PTPN21: variants seen among roughly 807,000 people sequenced by gnomAD.
PTPN21 encodes protein tyrosine phosphatase non-receptor type 21.
PTPN21 carries 77 observed loss-of-function variants against 131.8 expected under a neutral mutation model. The ratio of observed to expected loss-of-function variants is 0.58; its 90% confidence interval spans 0.49 to 0.71. PTPN21 has a LOEUF of 0.71. Among genes scored for constraint, PTPN21 ranks in the 30% least tolerant of loss-of-function variants. The pLI is 0.00. For missense variants in PTPN21, 1,552 were observed against 1,527.1 expected, an observed-to-expected ratio of 1.02 and a Z score of -0.27; for synonymous variants, 715 against 621.3, an observed-to-expected ratio of 1.15 and a Z score of -2.24.
At chr14:88,544,903 T>C (rs972332885) in intron 2 of PTPN21, among the ~76,000 whole-genome samples, 12 of 152,040 alleles carry the variant, frequency 7.9e-5, no homozygotes, top group Non-Finnish European at 1.3e-4. Flanking sequence ...TCTCGGCTCA[T>C]TGCAACCTCT....
At chr14:88,504,604 A>C (rs1254288504) in intron 5 of PTPN21, 109 bp from the exon 6 acceptor site, 1 of 793,910 alleles carries the variant, frequency 1.3e-6, no homozygotes, top group African/African-American at 1.7e-5. Flanking sequence ...CAAAATTATG[A>C]CTATTGTTAC....
At chr14:88,539,944 A>C (rs578062348) in intron 2 of PTPN21, among the ~76,000 whole-genome samples, 1 of 152,354 alleles carries the variant, frequency 6.6e-6, no homozygotes, top group Non-Finnish European at 1.5e-5. Flanking sequence ...CAGGCGAATC[A>C]AGTATGCAAG....
At chr14:88,470,159 T>A in intron 15 of PTPN21, 109 bp from the exon 16 acceptor site, 1 of 1,010,782 alleles carries the variant, frequency 9.9e-7, no homozygotes. Flanking sequence ...AAGTAAAAAG[T>A]AAAAAAGTAG....
intron 10 of PTPN21, among the ~76,000 whole-genome samples, chr14:88,488,705 C>T (rs1422626771): frequency 1.3e-5 from 2 of 152,128 alleles, no homozygotes; most frequent in Middle Eastern, 3.4e-3. Context: ...GTAGTGCCAG[C>T]GACTTGGAAG....
At position 88,473,657 on chromosome 14, in the gene PTPN21, A is replaced by G; in HGVS notation, c.2649+8T>C. The G allele has an allele frequency of 6.2e-7, 1 of 1,611,978 alleles. No homozygotes were observed. Among genetic ancestry groups the G allele is most frequent in the Non-Finnish European group, 8.5e-7 (1 of 1,179,606 alleles). On this transcript the variant is annotated splice_region_variant and intron_variant, in intron 14 of 18. Coordinates refer to ENST00000556564, the MANE Select transcript of PTPN21 (RefSeq NM_007039.4). ...GAAGGCACAAAGCCCTGTGTGTCCC[A>G]TACATACCCTTTCATCATTCGTTGC... is the stretch of plus-strand genomic sequence containing the variant.
intron 10 of PTPN21, among the ~76,000 whole-genome samples, chr14:88,491,962 A>G (rs967660035): frequency 2.6e-5 from 4 of 152,068 alleles, no homozygotes; most frequent in African/African-American, 4.8e-5. Flanking sequence ...AGACTCATTC[A>G]CCATAATCAA....
At chr14:88,470,583 T>C (rs1198502316) in intron 15 of PTPN21, among the ~76,000 whole-genome samples, 1 of 152,240 alleles carries the variant, frequency 6.6e-6, no homozygotes, top group East Asian at 1.9e-4. Context: ...GATTTGTGGT[T>C]AAGAGACCTG....
intron 1 of PTPN21, chr14:88,552,384 C>G (rs1043239990): frequency 6.6e-6 from 1 of 152,242 alleles, no homozygotes; most frequent in Admixed American, 6.5e-5. Context: ...GGGAACAAGA[C>G]AGCGTAATGA....
intron 2 of PTPN21, among the ~76,000 whole-genome samples, chr14:88,546,205 A>C (rs900135082): frequency 1.3e-5 from 2 of 151,954 alleles, no homozygotes; most frequent in Non-Finnish European, 2.9e-5. Context: ...TGTAAGAAAC[A>C]CTACTGATAT....
intron 2 of PTPN21, among the ~76,000 whole-genome samples, chr14:88,549,509 C>T (rs759825927): frequency 8.5e-5 from 13 of 152,202 alleles, no homozygotes; most frequent in Non-Finnish European, 1.5e-4. Flanking sequence ...ACAGGCTCAA[C>T]TCAGACATCC....
intron 2 of PTPN21, among the ~76,000 whole-genome samples, chr14:88,549,942 C>T (rs2078837086): frequency 6.6e-6 from 1 of 152,056 alleles, no homozygotes; most frequent in African/African-American, 2.4e-5. Flanking sequence ...CCCACCACCA[C>T]GTCCGGCTAA....
At chr14:88,468,805 C>T in intron 18 of PTPN21, 111 bp downstream of exon 18, 1 of 1,362,878 alleles carries the variant, frequency 7.3e-7, no homozygotes, top group Non-Finnish European at 1.0e-6. Flanking sequence ...CATCTTGAGG[C>T]CACCACAGTC....
rs1248361403 is a variant in PTPN21 at position 88,554,885 on chromosome 14, C to A, written c.-437G>T. 2.0e-5 allele frequency among the ~76,000 whole-genome samples: 3 copies of A among 151,628 alleles called. No homozygotes were observed. Among genetic ancestry groups the A allele is most frequent in the Non-Finnish European group, 4.4e-5 (3 of 67,840 alleles). On this transcript the variant is annotated 5_prime_UTR_variant, in exon 1 of 19. Coordinates refer to ENST00000556564, the MANE Select transcript of PTPN21 (RefSeq NM_007039.4). Reference sequence around the variant, plus strand: ...GAGGGGCGAGGCCTGGAGGTGGGACCGGCCGGCGAGGAGCGCCGCACAAAG... The same window carrying A: ...GAGGGGCGAGGCCTGGAGGTGGGACAGGCCGGCGAGGAGCGCCGCACAAAG...
chr14:88,478,775 A>C, intron 13 of PTPN21, 145 bp downstream of exon 13: 1 of 466,276 alleles, frequency 2.1e-6, no homozygotes, highest in Non-Finnish European at 3.5e-6. Context: ...ATGTGTTCAG[A>C]ATTAGACAAA....
chr14:88,480,149 T>G lies in PTPN21; in HGVS notation c.1282A>C (p.Arg428=), dbSNP rs1477507218. Residue 428 remains arginine, a synonymous_variant, in exon 13 of 19, where the codon AGG becomes CGG. Transcript: ENST00000556564. ...CGATGGGACGGGAGGTAGTCAGGCC[T>G]CATGACGTCACTCCCGGTGATGCTA... is the stretch of plus-strand genomic sequence containing the variant. ...NPSITGSDVM[R]PDYLPSHRHS... 1.2e-6 allele frequency: 2 copies of G among 1,614,108 alleles called. No homozygotes were observed. Among genetic ancestry groups the G allele is most frequent in the Admixed American group, 3.3e-5 (2 of 60,014 alleles).
At chr14:88,536,731 T>C (rs80184572) in intron 2 of PTPN21, among the ~76,000 whole-genome samples, 339 of 152,334 alleles carry the variant, frequency 2.2e-3, no homozygotes, top group Admixed American at 3.3e-3. Context: ...ACTGATGCAT[T>C]GGGTTGATAA....
intron 2 of PTPN21, among the ~76,000 whole-genome samples, chr14:88,538,053 A>G (rs187040923): frequency 6.6e-6 from 1 of 152,360 alleles, no homozygotes; most frequent in Admixed American, 6.5e-5. Flanking sequence ...CTGTATATAT[A>G]TAACCAACAA....
chr14:88,517,097 A>C lies in PTPN21; in HGVS notation c.345T>G (p.Ile115Met), dbSNP rs1273177309. ...VPSVSQLQQE[I>M]TRYQYYLQLK... ...AACGGCATGTAATTTCTCACCTGGT[A>C]ATCTCCTGCTGCAGCTGAGAAACTG... The change falls in exon 3 of 19, where the codon ATT becomes ATG. Residue 115 changes from isoleucine to methionine, a missense_variant. By Grantham distance (10) the Ile-to-Met change is conservative (BLOSUM62 1). Coordinates refer to ENST00000556564, the MANE Select transcript of PTPN21 (RefSeq NM_007039.4). 2 of 1,613,476 alleles carry C rather than the reference A, an allele frequency of 1.2e-6. No homozygotes were observed. The highest frequency in any genetic ancestry group is 1.7e-6 in the Non-Finnish European group (2 of 1,179,564).
chr14:88,501,209 T>C (rs2078002718), intron 7 of PTPN21, 72 bp downstream of exon 7: 2 of 1,349,424 alleles, frequency 1.5e-6, no homozygotes, highest in African/African-American at 2.9e-5. Context: ...AGGACATCCT[T>C]GGATTTCCCC....
Sources: allele counts gnomAD v4.1 joint callset (sites outside exome capture counted in the v4.1 genomes callset), GRCh38; gene constraint gnomAD v4.1.1; transcripts MANE v1.5; gene names NCBI Gene and HGNC (gene_info 2026-07-23, HGNC 2026-07-21).